Variants in CNTN4 observed in about 807,000 individuals in gnomAD.
CNTN4 encodes the protein contactin-4.
A neutral mutation model predicts 122.5 loss-of-function variants in CNTN4; 77 were observed. The observed-to-expected ratio is 0.63, with a 90% CI of 0.52 to 0.76. The LOEUF (loss-of-function observed/expected upper bound fraction) is 0.76, where lower values mean the gene tolerates loss of function less well. Ranked by LOEUF, CNTN4 falls within the 30% of genes least tolerant of loss-of-function variation. The pLI, the probability that CNTN4 is intolerant of heterozygous loss-of-function variation, is 0.00. For missense variants in CNTN4, 1,256 were observed against 1,259.1 expected (o/e 1.00, Z 0.04); for synonymous variants, 512 against 447.0 (o/e 1.15, Z -1.83).
At chr3:2,795,630 C>T (rs999737943) in intron 6 of CNTN4, among the ~76,000 whole-genome samples, 4 of 151,750 alleles carry the variant, frequency 2.6e-5, no homozygotes, top group Non-Finnish European at 5.9e-5. Context: ...ACGCCATTCT[C>T]CTGCCTCAGC....
chr3:2,979,518 C>A (rs60903378), intron 13 of CNTN4, among the ~76,000 whole-genome samples: 8,133 of 151,944 alleles, frequency 0.054, 534 homozygotes, highest in African/African-American at 0.16. Flanking sequence ...ATGTGTAAAT[C>A]TATTGTTTCA....
At chr3:2,520,353 A>G (rs2077168207) in intron 3 of CNTN4, among the ~76,000 whole-genome samples, 1 of 144,114 alleles carries the variant, frequency 6.9e-6, no homozygotes, top group Non-Finnish European at 1.5e-5. Context: ...GTTCACTGCA[A>G]CATTCACCAT....
At chr3:2,157,079 T>C (rs77741679) in intron 2 of CNTN4, among the ~76,000 whole-genome samples, 1 of 152,152 alleles carries the variant, frequency 6.6e-6, no homozygotes, top group Non-Finnish European at 1.5e-5. Flanking sequence ...ATGTGTGTCA[T>C]TGAGTCAAAT....
chr3:2,261,627 A>G (rs998773439), intron 2 of CNTN4, among the ~76,000 whole-genome samples: 2 of 152,130 alleles, frequency 1.3e-5, no homozygotes, highest in African/African-American at 4.8e-5. Flanking sequence ...ATCAACACCA[A>G]CTATTCCAGG....
chr3:2,186,100 G>T (rs1232402269), intron 2 of CNTN4, among the ~76,000 whole-genome samples: 1 of 147,068 alleles, frequency 6.8e-6, no homozygotes, highest in Non-Finnish European at 1.5e-5. Context: ...CCCACAACAG[G>T]CCCCAGTGTG....
At chr3:2,503,274 A>G (rs995335254) in intron 3 of CNTN4, among the ~76,000 whole-genome samples, 2 of 152,138 alleles carry the variant, frequency 1.3e-5, no homozygotes, top group Admixed American at 1.3e-4. Context: ...TGAGGGATGC[A>G]TAGATGGATA....
At chr3:2,283,721 A>T (rs2041805617) in intron 2 of CNTN4, among the ~76,000 whole-genome samples, 2 of 152,136 alleles carry the variant, frequency 1.3e-5, no homozygotes, top group South Asian at 4.1e-4. Context: ...AGAAAGGGTT[A>T]GTCAATTTTG....
At chr3:2,628,766 G>A (rs986683254) in intron 4 of CNTN4, among the ~76,000 whole-genome samples, 3 of 152,334 alleles carry the variant, frequency 2.0e-5, no homozygotes, top group East Asian at 3.9e-4. Flanking sequence ...AAGAAATGTA[G>A]TCTTGTGATA....
chr3:2,318,463 A>G (rs1417869508), intron 2 of CNTN4, among the ~76,000 whole-genome samples: 6 of 152,142 alleles, frequency 3.9e-5, no homozygotes, highest in Non-Finnish European at 8.8e-5. Context: ...CTTGAATGAA[A>G]TGACTATATT....
chr3:2,561,582 T>C (rs1487520080), intron 3 of CNTN4, among the ~76,000 whole-genome samples: 1 of 152,090 alleles, frequency 6.6e-6, no homozygotes, highest in African/African-American at 2.4e-5. Flanking sequence ...TCTTGTTTTT[T>C]CCAGCAAGTT....
chr3:2,593,624 A>T (rs1449205177), intron 4 of CNTN4, among the ~76,000 whole-genome samples: 1 of 152,238 alleles, frequency 6.6e-6, no homozygotes, highest in African/African-American at 2.4e-5. Flanking sequence ...GGATGGGCAG[A>T]TGAAGATCTT....
At chr3:2,436,584 A>C (rs2616571) in intron 3 of CNTN4, among the ~76,000 whole-genome samples, 46,512 of 151,748 alleles carry the variant, frequency 0.31, 7,514 homozygotes, top group Admixed American at 0.39. Flanking sequence ...GGATGTGGAA[A>C]TAGGGTGTTA....
Position 2,887,034 on chromosome 3 carries a change from T to C in CNTN4, c.756-6T>C, listed in dbSNP as rs1459591130. 2 of 1,612,998 alleles carry C rather than the reference T, an allele frequency of 1.2e-6. No individual in the cohort carries two copies. The highest frequency in any genetic ancestry group is 1.1e-5 in the South Asian group (1 of 90,980). On this transcript the variant is annotated splice_polypyrimidine_tract_variant and splice_region_variant and intron_variant, in intron 9 of 24. Coordinates refer to ENST00000418658, the MANE Select transcript of CNTN4 (RefSeq NM_175607.3). ...TTGATTCACTCCTTTTTATTCTTGC[T>C]ATCAGTCCAGTACCAACTATTATCT...
intron 4 of CNTN4, among the ~76,000 whole-genome samples, chr3:2,726,799 G>A (rs1336605512): frequency 6.6e-6 from 1 of 152,154 alleles, no homozygotes; most frequent in Non-Finnish European, 1.5e-5. Flanking sequence ...TGTGCAATAC[G>A]TGATGGACCC....
intron 3 of CNTN4, among the ~76,000 whole-genome samples, chr3:2,480,506 A>G (rs1489360386): frequency 6.6e-6 from 1 of 152,222 alleles, no homozygotes; most frequent in Non-Finnish European, 1.5e-5. Flanking sequence ...ATAAAAACAT[A>G]ATACCATTTA....
chr3:2,524,934 T>C (rs376289503), intron 3 of CNTN4, among the ~76,000 whole-genome samples: 1 of 152,114 alleles, frequency 6.6e-6, no homozygotes, highest in Non-Finnish European at 1.5e-5. Context: ...TAGAACACTG[T>C]AGGGAAACTC....
At chr3:2,955,265 C>T (rs2094787509) in intron 13 of CNTN4, among the ~76,000 whole-genome samples, 1 of 152,152 alleles carries the variant, frequency 6.6e-6, no homozygotes, top group Admixed American at 6.5e-5. Context: ...TTTCCCAAGA[C>T]TCAAGGCTAA....
At chr3:2,902,601 GATATT>G (rs1392222609) in intron 11 of CNTN4, among the ~76,000 whole-genome samples, 1 of 152,144 alleles carries the variant, frequency 6.6e-6, no homozygotes, top group Non-Finnish European at 1.5e-5. Flanking sequence ...ATTTAGAGAG[GATATT>G]AATCTGAATG....
chr3:2,342,500 C>G (rs2044246970), intron 3 of CNTN4, among the ~76,000 whole-genome samples: 1 of 152,148 alleles, frequency 6.6e-6, no homozygotes, highest in African/African-American at 2.4e-5. Context: ...GGCTGTGTCC[C>G]CACCCAAATC....
Sources: allele counts gnomAD v4.1 joint callset (sites outside exome capture counted in the v4.1 genomes callset), GRCh38; gene constraint gnomAD v4.1.1; transcripts MANE v1.5; gene names NCBI Gene and HGNC (gene_info 2026-07-23, HGNC 2026-07-21).